Variants in PEX13 observed in about 807,000 individuals in gnomAD.
PEX13 encodes peroxisome biogenesis factor 13.
In PEX13, 28 loss-of-function variants were observed where a neutral mutation model predicts 34.5. The ratio of observed to expected loss-of-function variants is 0.81; its 90% confidence interval spans 0.60 to 1.11. PEX13 has a LOEUF of 1.11. Ranked by LOEUF, PEX13 falls within the 50% of genes most tolerant of loss-of-function variation. The pLI is 0.00. For synonymous variants in PEX13, 177 were observed against 175.1 expected (o/e 1.01, Z -0.09); for missense variants, 550 against 491.0 (o/e 1.12, Z -1.13).
At chr2:61,035,704 C>T (rs556493213) in intron 2 of PEX13, among the ~76,000 whole-genome samples, 1 of 152,226 alleles carries the variant, frequency 6.6e-6, no homozygotes, top group Admixed American at 6.5e-5. Flanking sequence ...GATTCAATGG[C>T]CAGGCATGGT....
intron 2 of PEX13, among the ~76,000 whole-genome samples, chr2:61,043,013 T>C (rs528625236): frequency 3.3e-5 from 5 of 152,306 alleles, no homozygotes; most frequent in African/African-American, 1.2e-4. Context: ...TTATACAAGC[T>C]AGTTTGGCCC....
chr2:61,026,223 C>T (rs550453996), intron 1 of PEX13, among the ~76,000 whole-genome samples: 46 of 152,158 alleles, frequency 3.0e-4, no homozygotes, highest in Non-Finnish European at 4.0e-4. Context: ...ACAACCATTA[C>T]TTAAAATAGA....
At chr2:61,044,432 G>A (rs1680673962) in intron 2 of PEX13, among the ~76,000 whole-genome samples, 1 of 152,170 alleles carries the variant, frequency 6.6e-6, no homozygotes, top group South Asian at 2.1e-4. Flanking sequence ...TTATTTTTTT[G>A]TAGAAACAAG....
chr2:61,042,996 G>C (rs1680649136), intron 2 of PEX13, among the ~76,000 whole-genome samples: 1 of 152,140 alleles, frequency 6.6e-6, no homozygotes, highest in South Asian at 2.1e-4. Context: ...TCTCGAGAGT[G>C]AGTTTGTTAT....
At chr2:61,035,390 A>C (rs1240968154) in intron 2 of PEX13, among the ~76,000 whole-genome samples, 1 of 152,190 alleles carries the variant, frequency 6.6e-6, no homozygotes. Context: ...AAAACCTGAA[A>C]ATTCCAAAAA....
chr2:61,021,075 C>G (rs985214224), intron 1 of PEX13, among the ~76,000 whole-genome samples: 2 of 152,202 alleles, frequency 1.3e-5, no homozygotes, highest in African/African-American at 4.8e-5. Flanking sequence ...ATAGGAACAG[C>G]TCTGGTCTGC....
intron 1 of PEX13, chr2:61,018,308 G>A (rs1477046382): frequency 1.3e-6 from 2 of 1,549,398 alleles, no homozygotes; most frequent in African/African-American, 1.4e-5. Context: ...AAGGTTTTAC[G>A]CAACAGGAAC....
intron 2 of PEX13, among the ~76,000 whole-genome samples, chr2:61,039,815 A>G (rs368974552): frequency 1.1e-4 from 16 of 151,902 alleles, no homozygotes; most frequent in Non-Finnish European, 4.4e-5. Context: ...AACCTACAGA[A>G]TGGGAGAAAA....
intron 2 of PEX13, among the ~76,000 whole-genome samples, chr2:61,033,250 A>G (rs925775477): frequency 2.6e-5 from 4 of 152,208 alleles, no homozygotes; most frequent in South Asian, 2.1e-4. Context: ...TGGGGGCATC[A>G]GTAATGATAC....
chr2:61,031,782 A>C lies in PEX13; in HGVS notation c.456A>C (p.Ser152=), dbSNP rs375291058. 2 of 1,613,406 alleles carry C rather than the reference A, an allele frequency of 1.2e-6. No homozygotes were observed. The highest frequency in any genetic ancestry group is 1.7e-6 in the Non-Finnish European group (2 of 1,179,302). ...SVSMMMDATF[S]AVYNSFRAVL... ...GTATGATGATGGATGCTACCTTTTC[A>C]GCTGTCTATAACAGTTTCAGGGCTG... is the stretch of plus-strand genomic sequence containing the variant. Residue 152 remains serine (S), a synonymous_variant, in exon 2 of 4, where the codon TCA becomes TCC. Transcript: ENST00000295030.
chr2:61,037,427 AC>A (rs755109989), intron 2 of PEX13, among the ~76,000 whole-genome samples: 18 of 152,220 alleles, frequency 1.2e-4, no homozygotes, highest in Non-Finnish European at 2.4e-4. Context: ...TGTCTCTCAG[AC>A]CACAGTGCAA....
In PEX13 at chr2:61,049,399, A is replaced by G. The variant is rs1392550504; in HGVS notation, c.*629A>G. Reference sequence around the variant, plus strand: ...CTAGAATTATAGAGTATGTAGCCCTAATAGTTTTCCCTCCTAGCAAAAAGT... The same window carrying G: ...CTAGAATTATAGAGTATGTAGCCCTGATAGTTTTCCCTCCTAGCAAAAAGT... On this transcript the variant is annotated 3_prime_UTR_variant, in exon 4 of 4. Coordinates refer to ENST00000295030, the MANE Select transcript of PEX13 (RefSeq NM_002618.4). 1 of 152,384 alleles carries G rather than the reference A, an allele frequency of 6.6e-6. No homozygotes were observed. Among genetic ancestry groups the G allele is most frequent in the African/African-American group, 2.4e-5 (1 of 41,446 alleles). The allele number at this position is 152,384 out of a possible 1,614,324, so 9.4% of individuals were successfully genotyped here.
At chr2:61,028,412 CAG>C (rs1680395462) in intron 1 of PEX13, among the ~76,000 whole-genome samples, 1 of 127,620 alleles carries the variant, frequency 7.8e-6, no homozygotes, top group South Asian at 2.5e-4. Context: ...TTTTTTGAAA[CAG>C]AGTCTCACTG....
Position 61,048,642 on chromosome 2 carries a change from A to G in PEX13, c.1084A>G (p.Lys362Glu), listed in dbSNP as rs751897080. Residue 362 changes from lysine to glutamate, a missense_variant, in exon 4 of 4, where the codon AAA becomes GAA. Lys to Glu is a moderately conservative substitution (Grantham distance 56). Transcript: ENST00000295030. Reference protein sequence around the residue: ...QQSFTNPTLTKGATVADSLDE... With the variant: ...QQSFTNPTLTEGATVADSLDE... The stretch of plus-strand genomic sequence containing the variant: ...ATCTTTTACCAACCCAACACTAACT[A>G]AAGGAGCCACGGTTGCTGATTCTTT... 85 of 1,613,968 alleles carry G rather than the reference A, an allele frequency of 5.3e-5. No individual in the cohort carries two copies. Among genetic ancestry groups the G allele is most frequent in the Non-Finnish European group, 6.9e-5 (81 of 1,179,974 alleles).
chr2:61,048,735 T>A lies in PEX13; in HGVS notation c.1177T>A (p.Ser393Thr). The A allele has an allele frequency of 1.2e-6, 2 of 1,614,064 alleles. No individual in the cohort carries two copies. Among genetic ancestry groups the A allele is most frequent in the Non-Finnish European group, 8.5e-7 (1 of 1,179,900 alleles). ...TAATAAGGTTCCAGTTGCACCTGAT[T>A]CCATTGGGAAAGATGGAGAAAAGCA... ...ETNKVPVAPD[S>T]IGKDGEKQDL The change falls in exon 4 of 4, where the codon TCC (serine) becomes ACC (threonine). Residue 393 changes from serine to threonine, a missense_variant. By Grantham distance (58) the Ser-to-Thr change is moderately conservative (BLOSUM62 1). Transcript: ENST00000295030.
intron 1 of PEX13, chr2:61,018,336 T>C (rs1680153858): frequency 2.6e-6 from 4 of 1,521,314 alleles, no homozygotes; most frequent in East Asian, 2.5e-5. Flanking sequence ...CCGTACACTT[T>C]GCATTCTTTT....
chr2:61,037,983 A>G (rs2104807673), intron 2 of PEX13, among the ~76,000 whole-genome samples: 1 of 152,320 alleles, frequency 6.6e-6, no homozygotes, highest in East Asian at 1.9e-4. Flanking sequence ...ACACCTCTAC[A>G]TAAGTAAACT....
chr2:61,041,649 T>G (rs928265615), intron 2 of PEX13, among the ~76,000 whole-genome samples: 1 of 152,070 alleles, frequency 6.6e-6, no homozygotes, highest in Non-Finnish European at 1.5e-5. Context: ...AAGAAAAGAT[T>G]AGCAGTGAAT....
chr2:61,027,235 A>G (rs532963803), intron 1 of PEX13, among the ~76,000 whole-genome samples: 1 of 151,256 alleles, frequency 6.6e-6, no homozygotes, highest in Admixed American at 6.6e-5. Context: ...CTACTTGGGA[A>G]GCTGAGGTGG....
Sources: gnomAD v4.1 joint callset for allele counts (sites outside exome capture counted in the v4.1 genomes callset) on GRCh38, gnomAD v4.1.1 for gene constraint, MANE v1.5 for transcripts, NCBI Gene and HGNC (gene_info 2026-07-23, HGNC 2026-07-21) for gene names.